CNTN4: variants seen among roughly 807,000 people sequenced by gnomAD.
The protein encoded by CNTN4 is contactin 4.
CNTN4 carries 77 observed loss-of-function variants against 122.5 expected under a neutral mutation model. The ratio of observed to expected loss-of-function variants is 0.63; its 90% confidence interval spans 0.52 to 0.76. The LOEUF is 0.76. CNTN4 is among the 30% of genes least tolerant of loss of function. CNTN4 has a pLI of 0.00. For missense variants in CNTN4, 1,256 were observed against 1,259.1 expected (o/e 1.00, Z 0.04); for synonymous variants, 512 against 447.0 (o/e 1.15, Z -1.83).
intron 2 of CNTN4, among the ~76,000 whole-genome samples, chr3:2,297,635 C>G (rs1394359175): frequency 6.6e-6 from 1 of 152,186 alleles, no homozygotes; most frequent in African/African-American, 2.4e-5. Flanking sequence ...CGTCTACCTA[C>G]AAATAAATTT....
At chr3:2,836,017 C>T (rs1448735525) in intron 7 of CNTN4, among the ~76,000 whole-genome samples, 1 of 151,738 alleles carries the variant, frequency 6.6e-6, no homozygotes, top group African/African-American at 2.4e-5. Flanking sequence ...TACAAATAGG[C>T]AAAATGATAA....
intron 4 of CNTN4, among the ~76,000 whole-genome samples, chr3:2,704,716 T>G (rs575215000): frequency 3.3e-5 from 5 of 152,234 alleles, no homozygotes; most frequent in Admixed American, 1.3e-4. Context: ...TTAAAATACA[T>G]GAATAGGTTC....
chr3:2,703,809 T>A (rs1404105985), intron 4 of CNTN4, among the ~76,000 whole-genome samples: 1 of 152,016 alleles, frequency 6.6e-6, no homozygotes, highest in African/African-American at 2.4e-5. Flanking sequence ...CATAGCCCTA[T>A]ATGTGTTTAT....
rs1334150648 is a variant in CNTN4 at position 2,900,807 on chromosome 3, C to A, written c.1063C>A (p.Pro355Thr). 9 of 1,613,732 alleles carry A rather than the reference C, an allele frequency of 5.6e-6. No homozygotes were observed. The African/African-American group carries it at 6.7e-5, about 12-fold the overall frequency. Residue 355 changes from proline (P) to threonine (T), a missense_variant, in exon 11 of 25, where the codon CCT becomes ACT. By Grantham distance (38) the Pro-to-Thr change is conservative. Coordinates refer to ENST00000418658, the MANE Select transcript of CNTN4 (RefSeq NM_175607.3). ...PTYKWLKNGE[P>T]LLTRDRIQIE... ...ATACAAGTGGCTAAAAAATGGCGAA[C>A]CTCTGCTAACTCGGGTAAGCAAGTT... is the stretch of plus-strand genomic sequence containing the variant.
intron 4 of CNTN4, among the ~76,000 whole-genome samples, chr3:2,598,179 A>T (rs2080862085): frequency 6.6e-6 from 1 of 152,058 alleles, no homozygotes; most frequent in Admixed American, 6.6e-5. Flanking sequence ...ATCAAACATG[A>T]TTGCTCTTCC....
At chr3:2,535,485 A>G (rs971647743) in intron 3 of CNTN4, among the ~76,000 whole-genome samples, 1 of 152,134 alleles carries the variant, frequency 6.6e-6, no homozygotes, top group Admixed American at 6.6e-5. Context: ...CATGTGAGGT[A>G]GGTAGCTGTT....
At chr3:2,518,212 A>AAT (rs1366790532) in intron 3 of CNTN4, among the ~76,000 whole-genome samples, 1 of 143,740 alleles carries the variant, frequency 7.0e-6, no homozygotes, top group Non-Finnish European at 1.5e-5. Context: ...TTCTTAGGTT[A>AAT]ATATGTGTGT....
intron 3 of CNTN4, chr3:2,362,748 T>C (rs2045210191): frequency 1.6e-4 from 47 of 296,202 alleles, no homozygotes; most frequent in South Asian, 1.3e-3. Flanking sequence ...AGCTTTAACC[T>C]CTGAACTGAC....
At chr3:2,524,858 G>A (rs1003314538) in intron 3 of CNTN4, among the ~76,000 whole-genome samples, 2 of 152,058 alleles carry the variant, frequency 1.3e-5, no homozygotes, top group Non-Finnish European at 2.9e-5. Flanking sequence ...TAACACAATA[G>A]GAAAAAAAAG....
intron 3 of CNTN4, among the ~76,000 whole-genome samples, chr3:2,550,585 C>G (rs1484641008): frequency 6.6e-6 from 1 of 152,158 alleles, no homozygotes; most frequent in African/African-American, 2.4e-5. Flanking sequence ...TTTGACCCAG[C>G]AACCCCATTA....
intron 2 of CNTN4, among the ~76,000 whole-genome samples, chr3:2,285,320 T>A (rs1055668201): frequency 2.0e-5 from 3 of 152,134 alleles, no homozygotes; most frequent in Admixed American, 2.0e-4. Context: ...CAAAATAGTT[T>A]ATCTGGTTCA....
intron 9 of CNTN4, among the ~76,000 whole-genome samples, chr3:2,885,757 T>G (rs1459200382): frequency 6.6e-6 from 1 of 152,246 alleles, no homozygotes; most frequent in East Asian, 1.9e-4. Flanking sequence ...CTGATTCTTT[T>G]GCTTTTAGTG....
At chr3:3,041,393 C>T (rs1289384793) in intron 20 of CNTN4, among the ~76,000 whole-genome samples, 1 of 152,174 alleles carries the variant, frequency 6.6e-6, no homozygotes, top group Non-Finnish European at 1.5e-5. Context: ...GATAATAGTT[C>T]ATGTCTCTGG....
chr3:2,702,706 T>A (rs550484477), intron 4 of CNTN4, among the ~76,000 whole-genome samples: 59 of 152,340 alleles, frequency 3.9e-4, no homozygotes, highest in African/African-American at 1.3e-3. Context: ...GTATGATTAA[T>A]CTTACCTAGA....
At chr3:2,674,348 T>C (rs530824514) in intron 4 of CNTN4, among the ~76,000 whole-genome samples, 1 of 152,192 alleles carries the variant, frequency 6.6e-6, no homozygotes, top group East Asian at 1.9e-4. Flanking sequence ...ATATATATAA[T>C]GTACAATGAT....
intron 13 of CNTN4, among the ~76,000 whole-genome samples, chr3:2,974,098 T>C (rs1242988056): frequency 6.6e-6 from 1 of 152,190 alleles, no homozygotes; most frequent in African/African-American, 2.4e-5. Flanking sequence ...ACTTTTGAAA[T>C]CCTGAGTAAT....
intron 3 of CNTN4, among the ~76,000 whole-genome samples, chr3:2,452,358 G>A (rs17014540): frequency 0.28 from 43,288 of 152,024 alleles, 6,177 homozygotes; most frequent in Middle Eastern, 0.36. Context: ...TGCATCATGC[G>A]AATTCACCGA....
At chr3:2,391,712 A>C (rs2150888403) in intron 3 of CNTN4, among the ~76,000 whole-genome samples, 1 of 152,304 alleles carries the variant, frequency 6.6e-6, no homozygotes, top group African/African-American at 2.4e-5. Context: ...TTGCATTGGA[A>C]ATTTACATGA....
At chr3:2,805,492 G>T (rs1182818347) in intron 6 of CNTN4, among the ~76,000 whole-genome samples, 2 of 152,156 alleles carry the variant, frequency 1.3e-5, no homozygotes, top group Non-Finnish European at 1.5e-5. Context: ...TATTAGCTTG[G>T]CTCATATTTT....
Sources: gnomAD v4.1 joint callset for allele counts (sites outside exome capture counted in the v4.1 genomes callset) on GRCh38, gnomAD v4.1.1 for gene constraint, MANE v1.5 for transcripts, NCBI Gene and HGNC (gene_info 2026-07-23, HGNC 2026-07-21) for gene names.